ZMYM4: variants seen among roughly 807,000 people sequenced by gnomAD.
The protein encoded by ZMYM4 is zinc finger MYM-type containing 4, also known as zinc finger MYM-type protein 4.
A neutral mutation model predicts 183.2 loss-of-function variants in ZMYM4; 31 were observed. The observed-to-expected ratio is 0.17, with a 90% CI of 0.13 to 0.23. ZMYM4 has a LOEUF of 0.23. Among genes scored for constraint, ZMYM4 ranks in the 10% least tolerant of loss-of-function variants. The pLI is 1.00. For missense variants in ZMYM4, 1,273 were observed against 1,840.3 expected (o/e 0.69, Z 5.64); for synonymous variants, 592 against 631.2 (o/e 0.94, Z 0.93).
At chr1:35,351,252 C>T in intron 2 of ZMYM4, 13 of 1,565,754 alleles carry the variant, frequency 8.3e-6, no homozygotes, top group South Asian at 1.1e-5. Flanking sequence ...CAGTACCAAA[C>T]GATTCCCTGG....
Position 35,421,172 on chromosome 1 carries a change from C to CT in ZMYM4, c.*1501dup, listed in dbSNP as rs1258213193. On this transcript the variant is annotated 3_prime_UTR_variant, in exon 30 of 30. Coordinates refer to ENST00000314607, the MANE Select transcript of ZMYM4 (RefSeq NM_005095.3). ...TTAGGTGGGGGTGGCAGGTGTATTT[C>CT]TTTTTTAACAAATAAAAGGCATTTA... is the stretch of plus-strand genomic sequence containing the variant. The CT allele has an allele frequency of 6.6e-6, 1 of 152,532 alleles. No individual in the cohort carries two copies. Among genetic ancestry groups the CT allele is most frequent in the Non-Finnish European group, 1.5e-5 (1 of 68,006 alleles). 9.4% of individuals were successfully genotyped at this position (152,532 alleles called of 1,614,324 possible).
At chr1:35,323,797 A>T (rs180768291) in intron 1 of ZMYM4, among the ~76,000 whole-genome samples, 2 of 150,064 alleles carry the variant, frequency 1.3e-5, no homozygotes, top group African/African-American at 4.9e-5. Flanking sequence ...CTCATGATCC[A>T]CCCGTCTCGG....
intron 5 of ZMYM4, among the ~76,000 whole-genome samples, chr1:35,363,773 G>A (rs1246867923): frequency 1.3e-5 from 2 of 152,178 alleles, no homozygotes; most frequent in East Asian, 1.9e-4. Context: ...ATCTGAATTA[G>A]GGATAAATAG....
chr1:35,284,607 G>C (rs1640378411), intron 1 of ZMYM4, among the ~76,000 whole-genome samples: 1 of 152,128 alleles, frequency 6.6e-6, no homozygotes, highest in Non-Finnish European at 1.5e-5. Flanking sequence ...GTATCAGTTT[G>C]GGCTGTCGTA....
intron 18 of ZMYM4, among the ~76,000 whole-genome samples, chr1:35,395,070 G>T (rs1387955899): frequency 2.6e-5 from 4 of 152,116 alleles, no homozygotes; most frequent in Admixed American, 6.6e-5. Context: ...AATTATCCAG[G>T]AATTTTACTA....
At chr1:35,321,462 A>G (rs1472515520) in intron 1 of ZMYM4, among the ~76,000 whole-genome samples, 1 of 152,168 alleles carries the variant, frequency 6.6e-6, no homozygotes, top group Non-Finnish European at 1.5e-5. Flanking sequence ...ATTTGCTTAC[A>G]GGATGGGGAT....
At chr1:35,341,517 T>C (rs1026411043) in intron 2 of ZMYM4, among the ~76,000 whole-genome samples, 5 of 152,034 alleles carry the variant, frequency 3.3e-5, no homozygotes, top group African/African-American at 1.2e-4. Flanking sequence ...ATTTTTATTT[T>C]TTATATTGAA....
chr1:35,411,113 A>G (rs1764675), intron 26 of ZMYM4, among the ~76,000 whole-genome samples: 38,793 of 151,454 alleles, frequency 0.26, 10,424 homozygotes, highest in East Asian at 0.78. Context: ...GCTTGATACC[A>G]TTGTAGAAAA....
At chr1:35,329,166 C>T (rs1026484460) in intron 2 of ZMYM4, among the ~76,000 whole-genome samples, 1 of 152,190 alleles carries the variant, frequency 6.6e-6, no homozygotes, top group Non-Finnish European at 1.5e-5. Context: ...CATGAAAAAT[C>T]TGAATTGACT....
intron 2 of ZMYM4, among the ~76,000 whole-genome samples, chr1:35,333,732 A>G (rs6671381): frequency 0.074 from 11,177 of 152,050 alleles, 1,061 homozygotes; most frequent in African/African-American, 0.22. Flanking sequence ...AAATATATGT[A>G]TGTCAGGATT....
intron 7 of ZMYM4, among the ~76,000 whole-genome samples, chr1:35,371,458 T>A (rs1644212452): frequency 6.6e-6 from 1 of 152,058 alleles, no homozygotes; most frequent in East Asian, 1.9e-4. Flanking sequence ...CCACATTGTG[T>A]CCATTGGAAT....
intron 7 of ZMYM4, among the ~76,000 whole-genome samples, chr1:35,373,884 T>C (rs185799588): frequency 3.3e-5 from 5 of 152,214 alleles, no homozygotes; most frequent in African/African-American, 9.6e-5. Flanking sequence ...TTTATAGTTA[T>C]AACTTATGTA....
chr1:35,352,384 G>GCACACA (rs1491267326), intron 2 of ZMYM4, among the ~76,000 whole-genome samples: 4 of 108,332 alleles, frequency 3.7e-5, no homozygotes, highest in African/African-American at 1.9e-4. Context: ...TTAAAAATTA[G>GCACACA]CGCACACACA....
intron 20 of ZMYM4, among the ~76,000 whole-genome samples, chr1:35,397,832 C>T (rs1215636473): frequency 6.6e-6 from 1 of 152,076 alleles, no homozygotes; most frequent in African/African-American, 2.4e-5. Context: ...GTAATCAAAG[C>T]CATGGTCCCC....
At chr1:35,340,718 G>A (rs1643168666) in intron 2 of ZMYM4, among the ~76,000 whole-genome samples, 2 of 152,158 alleles carry the variant, frequency 1.3e-5, no homozygotes, top group Admixed American at 1.3e-4. Flanking sequence ...GGTAATTCAA[G>A]CAATGGGGAG....
Position 35,293,025 on chromosome 1 carries a change from G to A in ZMYM4, c.39+23940G>A, listed in dbSNP as rs570553133. Among the ~76,000 whole-genome samples, 3 of 146,472 alleles carry A rather than the reference G, an allele frequency of 2.0e-5. No homozygotes were observed. The East Asian group carries it at 5.9e-4, about 29-fold the overall frequency. On this transcript the variant is annotated intron_variant, in intron 1 of 29. Transcript: ENST00000314607. ...TAACATTTTTTTTTTTTTTGAGACA[G>A]GTTCCTGCTCTGTCACCCAGGCTGG...
chr1:35,357,851 A>G (rs1009782413), intron 2 of ZMYM4, among the ~76,000 whole-genome samples: 2 of 152,222 alleles, frequency 1.3e-5, no homozygotes, highest in Non-Finnish European at 2.9e-5. Context: ...ATGGAGGTGA[A>G]CAAAATAGCT....
At chr1:35,409,443 TTCTG>T (rs1449755458) in intron 26 of ZMYM4, among the ~76,000 whole-genome samples, 4 of 152,174 alleles carry the variant, frequency 2.6e-5, no homozygotes, top group Non-Finnish European at 4.4e-5. Context: ...ATTTGTTAAT[TTCTG>T]TCTTTTTTTT....
chr1:35,316,658 A>T (rs1350952236), intron 1 of ZMYM4, among the ~76,000 whole-genome samples: 1 of 152,226 alleles, frequency 6.6e-6, no homozygotes, highest in Non-Finnish European at 1.5e-5. Context: ...CATTTTATGA[A>T]AATGGATACT....
Sources: allele counts gnomAD v4.1 joint callset (sites outside exome capture counted in the v4.1 genomes callset), GRCh38; gene constraint gnomAD v4.1.1; transcripts MANE v1.5; gene names NCBI Gene and HGNC (gene_info 2026-07-23, HGNC 2026-07-21).